SSX2IP: variants seen among roughly 807,000 people sequenced by gnomAD.
SSX2IP encodes afadin- and alpha-actinin-binding protein.
In SSX2IP, 55 loss-of-function variants were observed where a neutral mutation model predicts 84.9. The observed-to-expected ratio is 0.65, with a 90% CI of 0.52 to 0.81. The LOEUF is 0.81. SSX2IP is among the 30% of genes least tolerant of loss of function. SSX2IP has a pLI of 0.00. For synonymous variants in SSX2IP, 239 were observed against 234.7 expected (o/e 1.02, Z -0.17); for missense variants, 664 against 705.2 (o/e 0.94, Z 0.66).
In SSX2IP at chr1:84,652,005, A is replaced by C; in HGVS notation, c.1390-8T>G. ...TTCTTCAAATGCCTTTCTCTACCAT[A>C]AACAGCCAAAGAAATAATGATCAAT... On this transcript the variant is annotated splice_polypyrimidine_tract_variant and splice_region_variant and intron_variant, in intron 11 of 13. Transcript: ENST00000342203. 5.0e-6 allele frequency: 8 copies of C among 1,589,142 alleles called. No individual in the cohort carries two copies. Among genetic ancestry groups the C allele is most frequent in the South Asian group, 1.1e-5 (1 of 90,520 alleles).
Position 84,647,213 on chromosome 1 carries a change from G to C in SSX2IP, c.*220C>G, listed in dbSNP as rs1649552200. 2.7e-6 allele frequency: 1 copy of C among 366,190 alleles called. No individual in the cohort carries two copies. The highest frequency in any genetic ancestry group is 2.1e-5 in the African/African-American group (1 of 48,108). The allele number at this position is 366,190 out of a possible 1,614,324, so 22.7% of individuals were successfully genotyped here. On this transcript the variant is annotated 3_prime_UTR_variant, in exon 14 of 14. Transcript: ENST00000342203. ...ACATCTATACATTCCTTTATTCACA[G>C]AACCAGATGCTTCTGTTACTAAAAA... is the stretch of plus-strand genomic sequence containing the variant.
chr1:84,660,040 A>C (rs2102300452), intron 8 of SSX2IP, among the ~76,000 whole-genome samples: 1 of 152,176 alleles, frequency 6.6e-6, no homozygotes. Context: ...ATTTTACCTG[A>C]ATTTTCGGTA....
chr1:84,670,592 A>C, intron 3 of SSX2IP, 54 bp downstream of exon 3: 1 of 1,240,382 alleles, frequency 8.1e-7, no homozygotes, highest in Non-Finnish European at 1.1e-6. Context: ...TAATTTTGAT[A>C]CATTCTATTA....
Position 84,651,989 on chromosome 1 carries a change from T to C in SSX2IP, c.1398A>G (p.Ala466=), listed in dbSNP as rs753693031. 1.1e-5 allele frequency: 17 copies of C among 1,612,220 alleles called. No individual in the cohort carries two copies. Among genetic ancestry groups the C allele is most frequent in the Non-Finnish European group, 1.3e-5 (15 of 1,178,352 alleles). ...AAIRLGLERK[A]FEEERASWLK... Reference sequence around the variant, plus strand: ...ACCAACTGGCTCTTTCTTCTTCAAATGCCTTTCTCTACCATAAACAGCCAA... The same window carrying C: ...ACCAACTGGCTCTTTCTTCTTCAAACGCCTTTCTCTACCATAAACAGCCAA... Residue 466 remains alanine, a synonymous_variant, in exon 12 of 14, where the codon GCA becomes GCG. Coordinates refer to ENST00000342203, the MANE Select transcript of SSX2IP (RefSeq NM_001166293.2).
chr1:84,661,884 A>G (rs1057401639), intron 8 of SSX2IP, among the ~76,000 whole-genome samples: 14 of 152,310 alleles, frequency 9.2e-5, no homozygotes, highest in African/African-American at 3.4e-4. Context: ...TATCTAAATC[A>G]TCAAATTATA....
intron 10 of SSX2IP, 46 bp downstream of exon 10, chr1:84,656,302 T>C (rs1651113379): frequency 6.3e-7 from 1 of 1,587,196 alleles, no homozygotes; most frequent in Admixed American, 1.7e-5. Context: ...TCAGCACAAT[T>C]CTGGCTTTTC....
intron 1 of SSX2IP, among the ~76,000 whole-genome samples, chr1:84,672,863 T>C (rs527797341): frequency 6.6e-6 from 1 of 152,158 alleles, no homozygotes; most frequent in South Asian, 2.1e-4. Context: ...CCGTCTCTAC[T>C]GAAAATACAA....
chr1:84,689,983 G>A (rs1290677371), intron 1 of SSX2IP, among the ~76,000 whole-genome samples: 2 of 152,074 alleles, frequency 1.3e-5, no homozygotes, highest in African/African-American at 4.8e-5. Flanking sequence ...AGACTCTGCA[G>A]CCCCAAATCG....
intron 8 of SSX2IP, among the ~76,000 whole-genome samples, chr1:84,659,026 T>G (rs1406317670): frequency 1.3e-5 from 2 of 152,172 alleles, no homozygotes; most frequent in African/African-American, 2.4e-5. Flanking sequence ...GTAGCAAACT[T>G]TACTGATATA....
chr1:84,680,516 T>C (rs1383837006), intron 1 of SSX2IP: 1 of 152,170 alleles, frequency 6.6e-6, no homozygotes, highest in Non-Finnish European at 1.5e-5. Context: ...AAAAAGGTCA[T>C]GGGTACATGG....
chr1:84,655,962 A>G lies in SSX2IP; in HGVS notation c.1259T>C (p.Leu420Ser), dbSNP rs767074627. ...TTCTTCCAACAAATAACAGTCTCGT[A>G]ATAGTGAAGTGGTATCATCATCATA... ...TAYDDDTTSL[L>S]RDCYLLEEKE... The change falls in exon 11 of 14, where the codon TTA becomes TCA. Residue 420 changes from leucine to serine, a missense_variant. Leu to Ser is a moderately radical substitution (Grantham distance 145). Coordinates refer to ENST00000342203, the MANE Select transcript of SSX2IP (RefSeq NM_001166293.2). 30 of 1,613,718 alleles carry G rather than the reference A, an allele frequency of 1.9e-5. No individual in the cohort carries two copies. The Middle Eastern group carries it at 2.5e-3, about 133-fold the overall frequency.
intron 9 of SSX2IP, among the ~76,000 whole-genome samples, chr1:84,657,563 TAA>T (rs143937061): frequency 0.079 from 12,066 of 152,164 alleles, 710 homozygotes; most frequent in African/African-American, 0.16. Flanking sequence ...TGAGAGTCAG[TAA>T]AAGAGACTCA....
chr1:84,654,947 G>C (rs1650858725), intron 11 of SSX2IP, among the ~76,000 whole-genome samples: 1 of 152,058 alleles, frequency 6.6e-6, no homozygotes, highest in South Asian at 2.1e-4. Flanking sequence ...TCACTGCAGG[G>C]ATGAACTGAT....
intron 1 of SSX2IP, among the ~76,000 whole-genome samples, chr1:84,675,961 T>C (rs1174555467): frequency 6.6e-6 from 1 of 152,074 alleles, no homozygotes; most frequent in Non-Finnish European, 1.5e-5. Context: ...ATGTCTCATG[T>C]CTCCCTAAAA....
intron 1 of SSX2IP, among the ~76,000 whole-genome samples, chr1:84,672,280 G>C (rs1367827335): frequency 6.6e-6 from 1 of 152,176 alleles, no homozygotes; most frequent in Non-Finnish European, 1.5e-5. Flanking sequence ...ACTGTGGACA[G>C]CTGCTTCTCG....
chr1:84,686,480 A>AT (rs1655806506), intron 1 of SSX2IP, among the ~76,000 whole-genome samples: 1 of 152,192 alleles, frequency 6.6e-6, no homozygotes, highest in African/African-American at 2.4e-5. Context: ...GTTTGGGCAA[A>AT]TGTGTGGAGA....
chr1:84,644,203 G>A lies in SSX2IP; in HGVS notation c.*3230C>T, dbSNP rs1343927222. The A allele has an allele frequency of 6.6e-6, 1 of 152,194 alleles. No individual in the cohort carries two copies. Among genetic ancestry groups the A allele is most frequent in the African/African-American group, 2.4e-5 (1 of 41,454 alleles). 9.4% of individuals were successfully genotyped at this position (152,194 alleles called of 1,614,324 possible). On this transcript the variant is annotated 3_prime_UTR_variant, in exon 14 of 14. Transcript: ENST00000342203. ...GGAAATAATGCTAAGACTTATAAAT[G>A]GAAGCCTAGCCACGTTACTGTTAAA...
chr1:84,690,584 G>T (rs1452935627), upstream of SSX2IP: 1 of 152,362 alleles, frequency 6.6e-6, no homozygotes, highest in Non-Finnish European at 1.5e-5. Context: ...CGCAGGCCCC[G>T]CCGCCTCCCA....
intron 1 of SSX2IP, among the ~76,000 whole-genome samples, chr1:84,685,741 C>T (rs764707160): frequency 5.9e-5 from 9 of 152,172 alleles, no homozygotes; most frequent in Admixed American, 2.6e-4. Flanking sequence ...AACAACATGG[C>T]TAATGATGGG....
Sources: allele counts gnomAD v4.1 joint callset (sites outside exome capture counted in the v4.1 genomes callset), GRCh38; gene constraint gnomAD v4.1.1; transcripts MANE v1.5; gene names NCBI Gene and HGNC (gene_info 2026-07-23, HGNC 2026-07-21).